Variants in SGMS1 observed in about 807,000 individuals in gnomAD.
SGMS1 encodes the protein phosphatidylcholine:ceramide cholinephosphotransferase 1.
In SGMS1, 13 loss-of-function variants were observed where a neutral mutation model predicts 46.2. That is an observed-to-expected ratio of 0.28 (90% CI 0.18 to 0.45). The LOEUF (loss-of-function observed/expected upper bound fraction) is 0.45, where lower values mean the gene tolerates loss of function less well. SGMS1 is among the 20% of genes least tolerant of loss of function. The pLI, the probability that SGMS1 is intolerant of heterozygous loss-of-function variation, is 1.00. For missense variants in SGMS1, 324 were observed against 519.9 expected (o/e 0.62, Z 3.66); for synonymous variants, 203 against 187.8 (o/e 1.08, Z -0.66).
Position 50,623,482 on chromosome 10 carries a change from G to C in SGMS1, c.-684+225C>G, listed in dbSNP as rs376277958. ...CGGCGGCCCGCCCCCTCCGAGCCCG[G>C]ATCCCGGCCGCCGGACCTCCCCGCT... On this transcript the variant is annotated intron_variant, in intron 1 of 10. Transcript: ENST00000361781. The C allele has an allele frequency of 1.7e-4, 135 of 779,918 alleles. No individual in the cohort carries two copies. In the African/African-American group the frequency reaches 2.4e-3, roughly 14 times the overall value. 48.3% of individuals were successfully genotyped at this position (779,918 alleles called of 1,614,324 possible).
At chr10:50,313,337 A>G (rs886629204) in intron 8 of SGMS1, among the ~76,000 whole-genome samples, 3 of 152,198 alleles carry the variant, frequency 2.0e-5, no homozygotes, top group Non-Finnish European at 4.4e-5. Flanking sequence ...GAGTAACAAT[A>G]TCTCATGTCA....
chr10:50,624,551 C>G (rs547179758), upstream of SGMS1: 6 of 979,030 alleles, frequency 6.1e-6, no homozygotes, highest in South Asian at 2.8e-4. Flanking sequence ...GAGCTCTAAC[C>G]GCGCGAGGTG....
chr10:50,496,815 T>C (rs1230691296), intron 3 of SGMS1, among the ~76,000 whole-genome samples: 1 of 152,184 alleles, frequency 6.6e-6, no homozygotes, highest in Non-Finnish European at 1.5e-5. Flanking sequence ...GATGTCCTCA[T>C]CCGCAAAATG....
At chr10:50,426,084 T>C (rs1849322712) in intron 6 of SGMS1, among the ~76,000 whole-genome samples, 1 of 152,168 alleles carries the variant, frequency 6.6e-6, no homozygotes. Flanking sequence ...AATTACAATA[T>C]TGATTTAGAG....
At chr10:50,325,513 T>C (rs1375760877) in intron 8 of SGMS1, among the ~76,000 whole-genome samples, 3 of 152,192 alleles carry the variant, frequency 2.0e-5, no homozygotes, top group Admixed American at 6.5e-5. Flanking sequence ...TGTGAACAGT[T>C]CCTGCTGCTA....
intron 6 of SGMS1, among the ~76,000 whole-genome samples, chr10:50,350,509 A>G (rs566328350): frequency 3.9e-5 from 6 of 152,236 alleles, no homozygotes; most frequent in African/African-American, 1.4e-4. Context: ...GAAGTTCTTC[A>G]CAGCAGCCCC....
chr10:50,317,274 TG>T, intron 8 of SGMS1, among the ~76,000 whole-genome samples: 1 of 152,370 alleles, frequency 6.6e-6, no homozygotes, highest in Non-Finnish European at 1.5e-5. Context: ...CTTATTTTAC[TG>T]TTGGTCAGTA....
chr10:50,608,732 A>T (rs941099349), intron 1 of SGMS1, among the ~76,000 whole-genome samples: 1 of 152,306 alleles, frequency 6.6e-6, no homozygotes, highest in Admixed American at 6.5e-5. Context: ...ACAGGTGGCA[A>T]AATTGCCTGT....
intron 2 of SGMS1, among the ~76,000 whole-genome samples, chr10:50,541,252 T>C (rs1838049425): frequency 6.6e-6 from 1 of 152,202 alleles, no homozygotes; most frequent in Non-Finnish European, 1.5e-5. Context: ...GAAGACTTAA[T>C]CCAGTAGAGA....
intron 2 of SGMS1, among the ~76,000 whole-genome samples, chr10:50,563,937 G>A (rs1294339959): frequency 6.6e-6 from 1 of 152,132 alleles, no homozygotes; most frequent in African/African-American, 2.4e-5. Flanking sequence ...ATGGCTCCCA[G>A]GGCTCCCAGG....
chr10:50,345,669 A>G (rs1412600867), intron 6 of SGMS1, among the ~76,000 whole-genome samples: 1 of 152,172 alleles, frequency 6.6e-6, no homozygotes, highest in Non-Finnish European at 1.5e-5. Flanking sequence ...CAAAATCCGA[A>G]ACTTTTTGAG....
intron 5 of SGMS1, among the ~76,000 whole-genome samples, chr10:50,454,983 C>T (rs946624490): frequency 1.3e-5 from 2 of 152,128 alleles, no homozygotes; most frequent in South Asian, 2.1e-4. Flanking sequence ...TGTTTACCTC[C>T]CTCTTTATTA....
intron 6 of SGMS1, among the ~76,000 whole-genome samples, chr10:50,369,579 T>C (rs1164652910): frequency 6.7e-6 from 1 of 148,300 alleles, no homozygotes; most frequent in African/African-American, 2.5e-5. Flanking sequence ...AAAAATCCCA[T>C]CAACAAATGT....
At chr10:50,577,854 A>G (rs1838398946) in intron 2 of SGMS1, among the ~76,000 whole-genome samples, 2 of 152,230 alleles carry the variant, frequency 1.3e-5, no homozygotes, top group South Asian at 4.1e-4. Flanking sequence ...TACAGCTATT[A>G]AAGGGCTGCT....
rs1045461065 is a variant in SGMS1, at chr10:50,542,870, A to G, written c.-588-22949T>C. ...TAATGCCAAGTGCAAAAAAAAAAAA[A>G]AAAGAAAGAAAAAGGAAGTCTTCTC... On this transcript the variant is annotated intron_variant, in intron 2 of 10. Coordinates refer to ENST00000361781, the MANE Select transcript of SGMS1 (RefSeq NM_147156.4). 4.5e-4 allele frequency among the ~76,000 whole-genome samples: 68 copies of G among 150,452 alleles called. 1 individual carries two copies. The highest frequency in any genetic ancestry group is 7.4e-4 in the Non-Finnish European group (50 of 67,664).
chr10:50,500,136 T>G (rs1837649938), intron 3 of SGMS1, among the ~76,000 whole-genome samples: 1 of 152,118 alleles, frequency 6.6e-6, no homozygotes, highest in Non-Finnish European at 1.5e-5. Context: ...CCACTGCACT[T>G]CAGCCTGGGT....
intron 6 of SGMS1, among the ~76,000 whole-genome samples, chr10:50,398,132 G>C (rs897442444): frequency 3.3e-5 from 5 of 152,114 alleles, no homozygotes; most frequent in Admixed American, 6.6e-5. Context: ...CAAGTTTGGT[G>C]GTTATTTTTC....
intron 7 of SGMS1, 128 bp downstream of exon 7, chr10:50,343,364 T>C (rs910077898): frequency 3.5e-6 from 4 of 1,143,388 alleles, no homozygotes; most frequent in Non-Finnish European, 3.5e-6. Context: ...GGGTATGTGT[T>C]TAAAAAAGAA....
upstream of SGMS1, chr10:50,624,550 C>T: frequency 3.1e-6 from 3 of 979,454 alleles, no homozygotes; most frequent in South Asian, 9.5e-5. Flanking sequence ...AGAGCTCTAA[C>T]CGCGCGAGGT....
Sources: allele counts gnomAD v4.1 joint callset (sites outside exome capture counted in the v4.1 genomes callset), GRCh38; gene constraint gnomAD v4.1.1; transcripts MANE v1.5; gene names NCBI Gene and HGNC (gene_info 2026-07-23, HGNC 2026-07-21).